Variants in TMEM163 observed in about 807,000 individuals in gnomAD.
The protein encoded by TMEM163 is transmembrane protein 163.
TMEM163 carries 17 observed loss-of-function variants against 29.3 expected under a neutral mutation model. That is an observed-to-expected ratio of 0.58 (90% CI 0.40 to 0.87). The LOEUF (loss-of-function observed/expected upper bound fraction) is 0.87. Among genes scored for constraint, TMEM163 ranks in the 40% least tolerant of loss-of-function variants. The probability of loss-of-function intolerance (pLI) is 0.00; values close to 1 mark genes in which losing one functional copy is unlikely to be tolerated. For synonymous variants in TMEM163, 157 were observed against 160.6 expected (o/e 0.98, Z 0.17); for missense variants, 303 against 381.5 (o/e 0.79, Z 1.71).
chr2:134,545,629 C>T (rs948758684), intron 4 of TMEM163, among the ~76,000 whole-genome samples: 1 of 152,082 alleles, frequency 6.6e-6, no homozygotes, highest in Admixed American at 6.5e-5. Flanking sequence ...CACCTCCTCC[C>T]CAAATTCTAC....
intron 2 of TMEM163, among the ~76,000 whole-genome samples, chr2:134,689,310 G>A (rs1463563547): frequency 6.6e-6 from 1 of 152,044 alleles, no homozygotes; most frequent in African/African-American, 2.4e-5. Flanking sequence ...GTTTCACCAT[G>A]TTGGTCAGGT....
At chr2:134,637,042 A>G (rs1359937866) in intron 2 of TMEM163, among the ~76,000 whole-genome samples, 1 of 151,692 alleles carries the variant, frequency 6.6e-6, no homozygotes, top group Non-Finnish European at 1.5e-5. Context: ...TAATAATAAA[A>G]CTCCAGTCTC....
intron 2 of TMEM163, among the ~76,000 whole-genome samples, chr2:134,623,585 T>G (rs1682785408): frequency 6.6e-6 from 1 of 152,102 alleles, no homozygotes; most frequent in African/African-American, 2.4e-5. Flanking sequence ...CTGACCAACA[T>G]GGAGAAACTC....
intron 2 of TMEM163, among the ~76,000 whole-genome samples, chr2:134,616,039 T>A (rs1682602927): frequency 6.6e-6 from 1 of 152,166 alleles, no homozygotes; most frequent in Non-Finnish European, 1.5e-5. Context: ...TAAAAAGAGA[T>A]GAGACGTGGC....
chr2:134,561,854 C>A (rs1681190428), intron 2 of TMEM163, among the ~76,000 whole-genome samples: 1 of 152,206 alleles, frequency 6.6e-6, no homozygotes, highest in Non-Finnish European at 1.5e-5. Context: ...GCTTACTGAG[C>A]ACCTACTATG....
At chr2:134,571,229 C>G (rs1452431474) in intron 2 of TMEM163, among the ~76,000 whole-genome samples, 2 of 152,210 alleles carry the variant, frequency 1.3e-5, no homozygotes, top group Non-Finnish European at 2.9e-5. Flanking sequence ...GGAAAATACA[C>G]AGTGAACAGA....
chr2:134,502,095 T>C (rs996371455), intron 5 of TMEM163, among the ~76,000 whole-genome samples: 7 of 152,214 alleles, frequency 4.6e-5, no homozygotes, highest in African/African-American at 7.2e-5. Context: ...CAAGGATTAA[T>C]ATCTTTTTTC....
intron 4 of TMEM163, among the ~76,000 whole-genome samples, chr2:134,548,269 A>G (rs1680834325): frequency 6.6e-6 from 1 of 152,240 alleles, no homozygotes; most frequent in Non-Finnish European, 1.5e-5. Context: ...AAATATTCTA[A>G]TATCAACATG....
chr2:134,498,693 A>G (rs781755454), intron 5 of TMEM163, among the ~76,000 whole-genome samples: 6 of 152,164 alleles, frequency 3.9e-5, no homozygotes, highest in Admixed American at 1.3e-4. Context: ...GCACAGAGTG[A>G]AGGGGCCCAT....
At chr2:134,626,253 T>C (rs1351904867) in intron 2 of TMEM163, among the ~76,000 whole-genome samples, 1 of 151,972 alleles carries the variant, frequency 6.6e-6, no homozygotes, top group Non-Finnish European at 1.5e-5. Context: ...TATAGGCATG[T>C]GCTACCACGC....
intron 2 of TMEM163, among the ~76,000 whole-genome samples, chr2:134,587,428 A>AG (rs1332774843): frequency 6.6e-6 from 1 of 152,124 alleles, no homozygotes; most frequent in Non-Finnish European, 1.5e-5. Context: ...AAAGAAAAAA[A>AG]CAAAGTATCA....
At chr2:134,561,689 C>T (rs1681187334) in intron 2 of TMEM163, among the ~76,000 whole-genome samples, 1 of 152,162 alleles carries the variant, frequency 6.6e-6, no homozygotes, top group South Asian at 2.1e-4. Context: ...GCCAGGGTTG[C>T]CCACAATGCC....
At chr2:134,508,256 G>C (rs762548636) in intron 4 of TMEM163, among the ~76,000 whole-genome samples, 21 of 152,138 alleles carry the variant, frequency 1.4e-4, no homozygotes, top group Non-Finnish European at 2.2e-4. Context: ...TCTAATTTAC[G>C]ATAGATCTAA....
At chr2:134,579,658 C>T (rs1477403828) in intron 2 of TMEM163, among the ~76,000 whole-genome samples, 1 of 152,084 alleles carries the variant, frequency 6.6e-6, no homozygotes, top group Non-Finnish European at 1.5e-5. Flanking sequence ...TAAATTGGTT[C>T]CACAGGGCTT....
intron 5 of TMEM163, among the ~76,000 whole-genome samples, chr2:134,471,233 A>G (rs1382408654): frequency 1.3e-5 from 2 of 152,218 alleles, no homozygotes; most frequent in Non-Finnish European, 2.9e-5. Flanking sequence ...TGTTCCTACA[A>G]AATTCATATG....
In TMEM163 at chr2:134,480,234, C is replaced by A. The variant is rs776958562; in HGVS notation, c.556-14009G>T. On this transcript the variant is annotated intron_variant, in intron 5 of 7. Transcript: ENST00000281924. ...TCTCACTCTGTTCCAGCTGCCCTGC[C>A]TCCTCTGTTCCTCAAGTATGACTGG... Among the ~76,000 whole-genome samples, 118 of 152,184 alleles carry A rather than the reference C, an allele frequency of 7.8e-4. 3 individuals carry two copies. The highest frequency in any genetic ancestry group is 1.4e-3 in the Admixed American group (21 of 15,286).
At chr2:134,466,395 A>G in intron 5 of TMEM163, 170 bp from the exon 6 acceptor site, 1 of 569,216 alleles carries the variant, frequency 1.8e-6, no homozygotes, top group Non-Finnish European at 3.1e-6. Flanking sequence ...GTCACCAGGA[A>G]TTGGAAAAGA....
intron 2 of TMEM163, among the ~76,000 whole-genome samples, chr2:134,674,592 T>C (rs1477664146): frequency 6.6e-6 from 1 of 151,698 alleles, no homozygotes; most frequent in East Asian, 1.9e-4. Flanking sequence ...TCTCCTGACT[T>C]CGTGATCCGC....
In TMEM163 at chr2:134,718,800, G is replaced by A. The variant is rs922334131; in HGVS notation, c.136C>T (p.Leu46=). ...LSSPVREPPQ[L]EEERQVRISE... Reference sequence around the variant, plus strand: ...ATCCGCACCTGCCGCTCCTCCTCCAGCTGGGGCGGCTCGCGCACCGGGGAG... The same window carrying A: ...ATCCGCACCTGCCGCTCCTCCTCCAACTGGGGCGGCTCGCGCACCGGGGAG... The change falls in exon 1 of 8, where the codon CTG becomes TTG. Residue 46 remains leucine, a synonymous_variant. Transcript: ENST00000281924. The A allele has an allele frequency of 2.2e-5, 25 of 1,144,200 alleles. No individual in the cohort carries two copies. The highest frequency in any genetic ancestry group is 7.2e-4 in the Middle Eastern group (2 of 2,766). The allele number at this position is 1,144,200 out of a possible 1,614,324, so 70.9% of individuals were successfully genotyped here.
Sources: gnomAD v4.1 joint callset for allele counts (sites outside exome capture counted in the v4.1 genomes callset) on GRCh38, gnomAD v4.1.1 for gene constraint, MANE v1.5 for transcripts, NCBI Gene and HGNC (gene_info 2026-07-23, HGNC 2026-07-21) for gene names.